PDGFC: variants seen among roughly 807,000 people sequenced by gnomAD.
PDGFC encodes platelet-derived growth factor C.
PDGFC carries 12 observed loss-of-function variants against 35.5 expected under a neutral mutation model. The observed-to-expected ratio is 0.34, with a 90% CI of 0.22 to 0.55. The LOEUF (loss-of-function observed/expected upper bound fraction) is 0.55, where lower values mean the gene tolerates loss of function less well. Among genes scored for constraint, PDGFC ranks in the 20% least tolerant of loss-of-function variants. PDGFC has a pLI of 0.91. For synonymous variants in PDGFC, 159 were observed against 148.8 expected, an observed-to-expected ratio of 1.07 and a Z score of -0.50; for missense variants, 322 against 412.4, an observed-to-expected ratio of 0.78 and a Z score of 1.90.
intron 3 of PDGFC, among the ~76,000 whole-genome samples, chr4:156,774,079 T>C (rs1201790468): frequency 2.0e-5 from 3 of 152,194 alleles, no homozygotes; most frequent in Non-Finnish European, 4.4e-5. Context: ...CTAAATAAGA[T>C]ATTACTGATC....
intron 2 of PDGFC, among the ~76,000 whole-genome samples, chr4:156,831,549 T>C (rs2111023381): frequency 6.9e-6 from 1 of 144,620 alleles, no homozygotes; most frequent in Non-Finnish European, 1.5e-5. Context: ...GTTACAGCAA[T>C]TCTCCTGCCT....
chr4:156,867,841 G>A (rs1165781449), intron 1 of PDGFC, among the ~76,000 whole-genome samples: 8 of 152,172 alleles, frequency 5.3e-5, no homozygotes. Flanking sequence ...AAGAAAAAAT[G>A]TGGAAGTTAG....
At chr4:156,926,049 CAAAAAAAAAAA>C (rs397707839) in intron 1 of PDGFC, among the ~76,000 whole-genome samples, 5 of 67,546 alleles carry the variant, frequency 7.4e-5, no homozygotes, top group African/African-American at 2.0e-4. Flanking sequence ...AGATCTGTCT[CAAAAAAAAAAA>C]AAAAAAAAAA....
At chr4:156,787,028 T>C (rs554008799) in intron 3 of PDGFC, among the ~76,000 whole-genome samples, 8 of 152,294 alleles carry the variant, frequency 5.3e-5, no homozygotes, top group African/African-American at 1.7e-4. Context: ...CTAGGTTACA[T>C]GGGCTAGATA....
At chr4:156,775,724 C>T (rs1730811084) in intron 3 of PDGFC, among the ~76,000 whole-genome samples, 1 of 152,186 alleles carries the variant, frequency 6.6e-6, no homozygotes, top group Non-Finnish European at 1.5e-5. Flanking sequence ...TATCTGCAAT[C>T]TGCATACCCA....
intron 1 of PDGFC, among the ~76,000 whole-genome samples, chr4:156,914,368 G>A (rs1032016103): frequency 6.6e-6 from 1 of 152,014 alleles, no homozygotes; most frequent in Admixed American, 6.6e-5. Context: ...CTTGCTTACT[G>A]CCTATATAGC....
chr4:156,894,654 T>C (rs989841306), intron 1 of PDGFC, among the ~76,000 whole-genome samples: 3 of 152,162 alleles, frequency 2.0e-5, no homozygotes, highest in Non-Finnish European at 4.4e-5. Context: ...ATATGTTAAA[T>C]AGAAGATAAA....
intron 1 of PDGFC, among the ~76,000 whole-genome samples, chr4:156,911,308 A>C (rs1731033937): frequency 6.6e-6 from 1 of 152,146 alleles, no homozygotes; most frequent in South Asian, 2.1e-4. Flanking sequence ...TCACACACAT[A>C]AAAGTCTCAT....
chr4:156,941,237 T>A (rs896741169), intron 1 of PDGFC, among the ~76,000 whole-genome samples: 2 of 152,146 alleles, frequency 1.3e-5, no homozygotes, highest in Admixed American at 1.3e-4. Context: ...AAGTGAAACA[T>A]AATGAAGGGG....
chr4:156,938,121 A>C (rs1401032335), intron 1 of PDGFC, among the ~76,000 whole-genome samples: 1 of 152,106 alleles, frequency 6.6e-6, no homozygotes, highest in African/African-American at 2.4e-5. Flanking sequence ...ATTTTAAGTT[A>C]GTTTGTTATA....
At chr4:156,933,003 C>A (rs991170975) in intron 1 of PDGFC, among the ~76,000 whole-genome samples, 4 of 152,056 alleles carry the variant, frequency 2.6e-5, no homozygotes, top group Non-Finnish European at 5.9e-5. Flanking sequence ...ATGGTAGAGG[C>A]AGGCTTGTCT....
At chr4:156,850,444 T>A in intron 1 of PDGFC, 28 bp from the exon 2 acceptor site, 1 of 1,343,926 alleles carries the variant, frequency 7.4e-7, no homozygotes, top group East Asian at 2.4e-5. Context: ...GACATAGACA[T>A]ACATTTAGAT....
intron 2 of PDGFC, among the ~76,000 whole-genome samples, chr4:156,846,453 A>G (rs1420850361): frequency 1.3e-5 from 2 of 151,804 alleles, no homozygotes; most frequent in Non-Finnish European, 1.5e-5. Flanking sequence ...GACAGTCTGT[A>G]GAATGGTCAG....
chr4:156,956,783 G>A (rs1054550260), intron 1 of PDGFC, among the ~76,000 whole-genome samples: 1 of 151,976 alleles, frequency 6.6e-6, no homozygotes, highest in Non-Finnish European at 1.5e-5. Context: ...ATATTGTGAA[G>A]GAATAATATT....
At chr4:156,852,454 A>G (rs912030481) in intron 1 of PDGFC, among the ~76,000 whole-genome samples, 6 of 152,156 alleles carry the variant, frequency 3.9e-5, no homozygotes, top group Non-Finnish European at 8.8e-5. Flanking sequence ...TTTTACTTCC[A>G]GAAACCTAAG....
At chr4:156,904,402 A>T (rs543188068) in intron 1 of PDGFC, among the ~76,000 whole-genome samples, 1 of 152,090 alleles carries the variant, frequency 6.6e-6, no homozygotes, top group South Asian at 2.1e-4. Context: ...ACACTCTAAA[A>T]CCATCTTGAA....
intron 1 of PDGFC, among the ~76,000 whole-genome samples, chr4:156,892,494 A>C (rs1382393186): frequency 1.3e-5 from 2 of 152,056 alleles, no homozygotes; most frequent in African/African-American, 2.4e-5. Context: ...TTTTACCACA[A>C]CTCTCAAATA....
intron 1 of PDGFC, among the ~76,000 whole-genome samples, chr4:156,948,253 T>G (rs2110929319): frequency 6.6e-6 from 1 of 150,784 alleles, no homozygotes; most frequent in South Asian, 2.1e-4. Context: ...AAACCCCATA[T>G]GGTGCCAAAT....
At chr4:156,828,853 A>C (rs1728856841) in intron 2 of PDGFC, among the ~76,000 whole-genome samples, 1 of 152,118 alleles carries the variant, frequency 6.6e-6, no homozygotes. Context: ...AAAAATATCC[A>C]AAAAAATGCA....
Sources: allele counts gnomAD v4.1 joint callset (sites outside exome capture counted in the v4.1 genomes callset), GRCh38; gene constraint gnomAD v4.1.1; transcripts MANE v1.5; gene names NCBI Gene and HGNC (gene_info 2026-07-23, HGNC 2026-07-21).